The following PTPRN2 variants were observed in gnomAD, a reference collection of about 807,000 sequenced individuals.
The protein encoded by PTPRN2 is protein tyrosine phosphatase receptor type N2.
In PTPRN2, 74 loss-of-function variants were observed where a neutral mutation model predicts 118.8. The ratio of observed to expected loss-of-function variants is 0.62; its 90% CI spans 0.52 to 0.76. The LOEUF is 0.76. Ranked by LOEUF, PTPRN2 falls within the 30% of genes least tolerant of loss-of-function variation. The probability of loss-of-function intolerance (pLI) is 0.00; values close to 1 mark genes in which losing one functional copy is unlikely to be tolerated. For missense variants in PTPRN2, 1,481 were observed against 1,394.4 expected (o/e 1.06, Z -0.99); for synonymous variants, 641 against 608.0 (o/e 1.05, Z -0.80).
chr7:158,274,160 G>A (rs1181045379), intron 3 of PTPRN2, among the ~76,000 whole-genome samples: 1 of 112,342 alleles, frequency 8.9e-6, no homozygotes, highest in Non-Finnish European at 1.8e-5. Context: ...AGACACAGGG[G>A]GAGCCGCAGA....
chr7:158,062,894 A>G (rs916483501), intron 11 of PTPRN2, among the ~76,000 whole-genome samples: 1 of 152,146 alleles, frequency 6.6e-6, no homozygotes, highest in African/African-American at 2.4e-5. Flanking sequence ...CTCCCCGACA[A>G]GCGCCGCCCC....
intron 3 of PTPRN2, among the ~76,000 whole-genome samples, chr7:158,247,107 AG>A (rs1308016063): frequency 6.6e-6 from 1 of 152,170 alleles, no homozygotes; most frequent in Non-Finnish European, 1.5e-5. Flanking sequence ...TCAAGGAATG[AG>A]GAGGTGTGGG....
intron 3 of PTPRN2, among the ~76,000 whole-genome samples, chr7:158,236,597 G>GC (rs1829568091): frequency 6.6e-6 from 1 of 152,162 alleles, no homozygotes; most frequent in South Asian, 2.1e-4. Flanking sequence ...TCTTCATGGA[G>GC]CCGCCGTGAA....
chr7:158,332,069 A>G (rs4909182), intron 2 of PTPRN2, among the ~76,000 whole-genome samples: 1 of 145,608 alleles, frequency 6.9e-6, no homozygotes, highest in South Asian at 2.1e-4. Flanking sequence ...TCTGCAGACG[A>G]CACTCACACC....
At position 157,710,843 on chromosome 7, in the gene PTPRN2, CG is replaced by C. The variant is rs1181536500; in HGVS notation, c.1789-27907del. Among the ~76,000 whole-genome samples, 26 of 118,216 alleles carry C rather than the reference CG, an allele frequency of 2.2e-4. 1 individual carries two copies. Among genetic ancestry groups the C allele is most frequent in the African/African-American group, 6.8e-4 (21 of 30,852 alleles). 77.6% of individuals were successfully genotyped at this position (118,216 alleles called of 152,430 possible). ...GGTTCCGGGGCAGCCGGGTTACACG[CG>C]AGAGCCCCACGCGCCGGAGGTTCCG... On this transcript the variant is annotated intron_variant, in intron 12 of 22. Transcript: ENST00000389418.
At chr7:157,722,832 G>A (rs1585307758) in intron 12 of PTPRN2, among the ~76,000 whole-genome samples, 1 of 152,118 alleles carries the variant, frequency 6.6e-6, no homozygotes, top group Admixed American at 6.5e-5. Flanking sequence ...TGCAGGGTGG[G>A]GCTCTGCTCC....
chr7:158,473,009 C>T (rs56825193), intron 2 of PTPRN2, among the ~76,000 whole-genome samples: 1 of 14,494 alleles, frequency 6.9e-5, no homozygotes, highest in East Asian at 2.3e-3. Context: ...GGGTTTTACC[C>T]ACGCACCGAA....
chr7:157,985,754 C>T (rs1803734280), intron 11 of PTPRN2, among the ~76,000 whole-genome samples: 1 of 152,244 alleles, frequency 6.6e-6, no homozygotes, highest in Non-Finnish European at 1.5e-5. Flanking sequence ...CTTGAACAAA[C>T]TCCTGAGGGA....
intron 21 of PTPRN2, among the ~76,000 whole-genome samples, chr7:157,559,765 C>T (rs1799085304): frequency 1.3e-5 from 2 of 152,202 alleles, no homozygotes; most frequent in Non-Finnish European, 2.9e-5. Context: ...AACATGTGGA[C>T]TCAGGGACCA....
At chr7:158,236,253 G>A (rs1177404260) in intron 3 of PTPRN2, among the ~76,000 whole-genome samples, 2 of 152,138 alleles carry the variant, frequency 1.3e-5, no homozygotes, top group African/African-American at 2.4e-5. Context: ...ACATTGCTAC[G>A]TGGTGCCTGC....
chr7:157,908,550 G>A lies in PTPRN2; in HGVS notation c.1724-9813C>T, dbSNP rs575037616. The stretch of plus-strand genomic sequence containing the variant: ...GGCTCACAGCTCTAGAAGTACTCAC[G>A]GACAAATGTGGAGGCGCCCCGCAGC... On this transcript the variant is annotated intron_variant, in intron 11 of 22. Transcript: ENST00000389418. 2.6e-5 allele frequency among the ~76,000 whole-genome samples: 4 copies of A among 152,288 alleles called. No homozygotes were observed. In the East Asian group the frequency reaches 5.8e-4, roughly 22 times the overall value.
At chr7:158,111,975 C>T (rs541138960) in intron 9 of PTPRN2, among the ~76,000 whole-genome samples, 1 of 152,146 alleles carries the variant, frequency 6.6e-6, no homozygotes, top group Non-Finnish European at 1.5e-5. Flanking sequence ...GACAAACGCA[C>T]AGGGTGTCGC....
chr7:158,054,023 AC>A (rs1809576739), intron 11 of PTPRN2, among the ~76,000 whole-genome samples: 3 of 124,572 alleles, frequency 2.4e-5, no homozygotes, highest in African/African-American at 4.0e-5. Flanking sequence ...AGACGCAGAG[AC>A]TCCAGAGATG....
At chr7:158,084,768 G>A (rs978196862) in intron 10 of PTPRN2, among the ~76,000 whole-genome samples, 6 of 128,484 alleles carry the variant, frequency 4.7e-5, no homozygotes, top group East Asian at 2.4e-4. Flanking sequence ...CATACACTCC[G>A]ACACTCATCC....
Position 158,526,684 on chromosome 7 carries a change from C to A in PTPRN2, c.113-36899G>T, listed in dbSNP as rs544880120. Reference sequence around the variant, plus strand: ...GTAAAACGAGGTCGCCGGATGGGCCCGGATCCAGGCTGACTGGGTCCTTAT... The same window carrying A: ...GTAAAACGAGGTCGCCGGATGGGCCAGGATCCAGGCTGACTGGGTCCTTAT... On this transcript the variant is annotated intron_variant, in intron 1 of 22. Transcript: ENST00000389418. The surrounding 1 kb of genome is among the most constrained non-coding windows in gnomAD (Gnocchi z 5.2). Among the ~76,000 whole-genome samples the A allele has an allele frequency of 6.6e-6, 1 of 152,072 alleles. No homozygotes were observed. Among genetic ancestry groups the A allele is most frequent in the Non-Finnish European group, 1.5e-5 (1 of 68,026 alleles).
At chr7:157,890,983 T>TCCTCCCCA (rs910241695) in intron 12 of PTPRN2, among the ~76,000 whole-genome samples, 19 of 152,102 alleles carry the variant, frequency 1.2e-4, no homozygotes, top group South Asian at 2.1e-4. Context: ...CAGGGGCAGC[T>TCCTCCCCA]CCTCCCCACC....
intron 2 of PTPRN2, among the ~76,000 whole-genome samples, chr7:158,347,981 C>T (rs532016648): frequency 7.8e-4 from 118 of 152,246 alleles, no homozygotes; most frequent in African/African-American, 2.3e-3. Flanking sequence ...CTGTCAATCC[C>T]TAAACTTGCT....
chr7:157,940,785 A>T (rs796667593), intron 11 of PTPRN2, among the ~76,000 whole-genome samples: 3,573 of 38,656 alleles, frequency 0.092, 776 homozygotes, highest in African/African-American at 0.22. Context: ...ACTGCAAATC[A>T]AACACCCTCC....
At chr7:158,034,528 C>T (rs1235502856) in intron 11 of PTPRN2, among the ~76,000 whole-genome samples, 4 of 151,836 alleles carry the variant, frequency 2.6e-5, no homozygotes, top group South Asian at 2.1e-4. Flanking sequence ...GGACTTGCTC[C>T]TCCTTGCCTT....
Sources: allele counts gnomAD v4.1 joint callset (sites outside exome capture counted in the v4.1 genomes callset), GRCh38; gene constraint gnomAD v4.1.1; non-coding constraint Gnocchi (gnomAD v3.1); transcripts MANE v1.5; gene names NCBI Gene and HGNC (gene_info 2026-07-23, HGNC 2026-07-21).